Variants in HIRA observed in about 807,000 individuals in gnomAD.
HIRA encodes the protein histone cell cycle regulator.
In HIRA, 13 loss-of-function variants were observed where a neutral mutation model predicts 126.6. That is an observed-to-expected ratio of 0.10 (90% confidence interval 0.07 to 0.16). The LOEUF is 0.16. HIRA is among the 10% of genes least tolerant of loss of function. The pLI, the probability that HIRA is intolerant of heterozygous loss-of-function variation, is 1.00. For synonymous variants in HIRA, 511 were observed against 520.0 expected (o/e 0.98, Z 0.24); for missense variants, 834 against 1,314.4 (o/e 0.63, Z 5.65).
At chr22:19,371,881 T>C (rs2088968680) in intron 15 of HIRA, among the ~76,000 whole-genome samples, 1 of 152,260 alleles carries the variant, frequency 6.6e-6, no homozygotes, top group African/African-American at 2.4e-5. Context: ...TGATGGACTT[T>C]TGGGCTATTT....
chr22:19,390,609 A>AAAAAAAAAAAAAAAAAAC (rs2089170778), intron 9 of HIRA, among the ~76,000 whole-genome samples: 1 of 145,164 alleles, frequency 6.9e-6, no homozygotes, highest in African/African-American at 2.5e-5. Flanking sequence ...CTCAAAAAAA[A>AAAAAAAAAAAAAAAAAAC]AAAAAAAAAA....
Position 19,359,501 on chromosome 22 carries a change from C to A in HIRA, c.2086-17G>T, listed in dbSNP as rs2088844573. On this transcript the variant is annotated splice_polypyrimidine_tract_variant and intron_variant, in intron 17 of 24. Transcript: ENST00000263208. Reference sequence around the variant, plus strand: ...GGAGCTGACCTGGATGAAGTAAACACACGGGTCTGCTCAGACAAGGGCCGC... The same window carrying A: ...GGAGCTGACCTGGATGAAGTAAACAAACGGGTCTGCTCAGACAAGGGCCGC... The A allele has an allele frequency of 6.3e-7, 1 of 1,589,362 alleles. No homozygotes were observed. The highest frequency in any genetic ancestry group is 8.6e-7 in the Non-Finnish European group (1 of 1,168,270).
chr22:19,428,799 T>C (rs1008359482), intron 1 of HIRA, among the ~76,000 whole-genome samples: 3 of 152,076 alleles, frequency 2.0e-5, no homozygotes, highest in South Asian at 2.1e-4. Context: ...AAAAAAGTTA[T>C]GTTTGTGCTT....
Position 19,403,614 on chromosome 22 carries a change from GTAAA to G in HIRA, c.397+2168_397+2171del, listed in dbSNP as rs2089286875. Among the ~76,000 whole-genome samples the G allele has an allele frequency of 2.6e-5, 4 of 152,200 alleles. No individual in the cohort carries two copies. In the South Asian group the frequency reaches 6.2e-4, roughly 24 times the overall value. ...GCAACAGAGCAGGACTCTGTCTCAA[GTAAA>G]TAAATAAATAAATGAGTAACTGCTT... On this transcript the variant is annotated intron_variant, in intron 5 of 24. Coordinates refer to ENST00000263208, the MANE Select transcript of HIRA (RefSeq NM_003325.4).
At chr22:19,366,812 G>A (rs915085962) in intron 15 of HIRA, among the ~76,000 whole-genome samples, 1 of 152,152 alleles carries the variant, frequency 6.6e-6, no homozygotes, top group African/African-American at 2.4e-5. Context: ...CCAGGCTGGA[G>A]TACAGTGGCA....
At chr22:19,415,209 A>G (rs2146249453) in intron 1 of HIRA, among the ~76,000 whole-genome samples, 1 of 152,340 alleles carries the variant, frequency 6.6e-6, no homozygotes, top group South Asian at 2.1e-4. Flanking sequence ...AAAAACTATT[A>G]GTGCTAATAA....
At chr22:19,372,775 T>C (rs1042355422) in intron 15 of HIRA, among the ~76,000 whole-genome samples, 6 of 152,244 alleles carry the variant, frequency 3.9e-5, no homozygotes, top group Non-Finnish European at 8.8e-5. Context: ...TTTCGCCATG[T>C]TGGCCAGGCT....
At chr22:19,374,258 T>C (rs370739969) in intron 15 of HIRA, among the ~76,000 whole-genome samples, 67 of 152,000 alleles carry the variant, frequency 4.4e-4, no homozygotes, top group African/African-American at 1.4e-3. Flanking sequence ...CAATCAAACC[T>C]GGGAGGCGGA....
chr22:19,398,308 G>A (rs1171378652), intron 5 of HIRA, among the ~76,000 whole-genome samples: 5 of 152,226 alleles, frequency 3.3e-5, no homozygotes, highest in African/African-American at 7.2e-5. Context: ...AACTGAGGGC[G>A]TGGTTCAGAG....
intron 14 of HIRA, among the ~76,000 whole-genome samples, chr22:19,376,636 A>T (rs2089021671): frequency 6.6e-6 from 1 of 151,956 alleles, no homozygotes; most frequent in Non-Finnish European, 1.5e-5. Flanking sequence ...TTGCTTCCTC[A>T]CTGGTCTTGC....
intron 7 of HIRA, 70 bp from the exon 8 acceptor site, chr22:19,394,579 T>C (rs2146228163): frequency 1.3e-6 from 2 of 1,496,338 alleles, no homozygotes; most frequent in East Asian, 2.3e-5. Flanking sequence ...GCCTCGAGGA[T>C]AAAGTTAAAC....
intron 5 of HIRA, among the ~76,000 whole-genome samples, chr22:19,399,860 T>C (rs973259961): frequency 1.3e-5 from 2 of 152,248 alleles, no homozygotes; most frequent in Non-Finnish European, 2.9e-5. Flanking sequence ...TTTGCTGACT[T>C]ATTGTGACCA....
chr22:19,404,434 A>G (rs2089292923), intron 5 of HIRA, among the ~76,000 whole-genome samples: 1 of 152,072 alleles, frequency 6.6e-6, no homozygotes, highest in Admixed American at 6.5e-5. Context: ...GTCCAACTAG[A>G]CTTCACTGTT....
chr22:19,398,587 G>T (rs1159879448), intron 5 of HIRA, among the ~76,000 whole-genome samples: 1 of 152,248 alleles, frequency 6.6e-6, no homozygotes, highest in Non-Finnish European at 1.5e-5. Context: ...CCCAGACCCT[G>T]ACAGGAGTAC....
intron 2 of HIRA, among the ~76,000 whole-genome samples, chr22:19,409,758 C>T (rs543721807): frequency 6.6e-6 from 1 of 152,336 alleles, no homozygotes; most frequent in Non-Finnish European, 1.5e-5. Flanking sequence ...CTCTGCTGGA[C>T]CAAGGTGGCA....
At chr22:19,381,363 C>G (rs748205954) in intron 13 of HIRA, among the ~76,000 whole-genome samples, 10 of 152,126 alleles carry the variant, frequency 6.6e-5, no homozygotes, top group Admixed American at 2.0e-4. Context: ...GGGCTAGGAC[C>G]TATAGAACAA....
Position 19,365,190 on chromosome 22 carries a change from G to T in HIRA, c.1776-3259C>A, listed in dbSNP as rs114732453. On this transcript the variant is annotated intron_variant, in intron 15 of 24. Coordinates refer to ENST00000263208, the MANE Select transcript of HIRA (RefSeq NM_003325.4). ...AGAAGCTGCCTCTATAACATAAAAC[G>T]GCAAGGTGAAGCAGCAAGTGCTAAT... Among the ~76,000 whole-genome samples the T allele has an allele frequency of 2.2e-3, 332 of 152,342 alleles. 2 individuals carry two copies. The highest frequency in any genetic ancestry group is 7.6e-3 in the African/African-American group (314 of 41,576).
At chr22:19,396,726 G>T in intron 7 of HIRA, 61 bp downstream of exon 7, 1 of 1,566,212 alleles carries the variant, frequency 6.4e-7, no homozygotes, top group Non-Finnish European at 8.7e-7. Context: ...TCTGTACACA[G>T]AAGTCAGGAA....
In HIRA at chr22:19,353,483, A is replaced by G. The variant is rs149710615; in HGVS notation, c.2721T>C (p.Pro907=). The G allele has an allele frequency of 1.4e-4, 220 of 1,612,274 alleles. No homozygotes were observed. The African/African-American group carries it at 2.5e-3, about 18-fold the overall frequency. ...GRQAARLFSV[P]HVVQQETTLA... ...GGGTGGTCTCTTGCTGCACCACATG[A>G]GGCACGGAGAAGAGCCGGGCAGCCT... is the stretch of plus-strand genomic sequence containing the variant. Residue 907 remains proline (P), a synonymous_variant, in exon 23 of 25, where the codon CCT becomes CCC. Transcript: ENST00000263208.
Sources: gnomAD v4.1 joint callset for allele counts (sites outside exome capture counted in the v4.1 genomes callset) on GRCh38, gnomAD v4.1.1 for gene constraint, MANE v1.5 for transcripts, NCBI Gene and HGNC (gene_info 2026-07-23, HGNC 2026-07-21) for gene names.